The following USP34 variants were observed in gnomAD, a reference collection of about 807,000 sequenced individuals.
The protein encoded by USP34 is ubiquitin specific peptidase 34, also known as ubiquitin carboxyl-terminal hydrolase 34.
USP34 carries 70 observed loss-of-function variants against 460.3 expected under a neutral mutation model. The observed-to-expected ratio is 0.15, with a 90% CI of 0.13 to 0.19. USP34 has a LOEUF of 0.19. USP34 is among the 10% of genes least tolerant of loss of function. The pLI is 1.00. For missense variants in USP34, 3,985 were observed against 4,236.2 expected (o/e 0.94, Z 1.65); for synonymous variants, 1,647 against 1,405.3 (o/e 1.17, Z -3.85).
intron 14 of USP34, 107 bp from the exon 15 acceptor site, chr2:61,348,587 A>G: frequency 2.8e-6 from 4 of 1,449,672 alleles, no homozygotes; most frequent in Non-Finnish European, 3.7e-6. Flanking sequence ...GTCTTGTTAT[A>G]CTCCTTTGAA....
At chr2:61,371,444 TAAA>T (rs34779019) in intron 8 of USP34, among the ~76,000 whole-genome samples, 4 of 142,616 alleles carry the variant, frequency 2.8e-5, no homozygotes, top group African/African-American at 7.7e-5. Flanking sequence ...ATTAAAAAGT[TAAA>T]AAAAAAAAAA....
intron 29 of USP34, among the ~76,000 whole-genome samples, chr2:61,299,250 G>A (rs1186667352): frequency 2.6e-5 from 4 of 152,086 alleles, no homozygotes; most frequent in African/African-American, 9.7e-5. Context: ...TCTTGGGGAA[G>A]AAAGAAAAGC....
At chr2:61,232,747 C>T (rs1407125645) in intron 57 of USP34, among the ~76,000 whole-genome samples, 1 of 151,630 alleles carries the variant, frequency 6.6e-6, no homozygotes, top group Non-Finnish European at 1.5e-5. Context: ...CATTATAGTA[C>T]ACAATGTGCA....
At chr2:61,349,185 G>A (rs1691864254) in intron 13 of USP34, 65 bp downstream of exon 13, 1 of 1,524,776 alleles carries the variant, frequency 6.6e-7, no homozygotes, top group African/African-American at 1.4e-5. Flanking sequence ...TAAAATCAAT[G>A]AACTCTAGAA....
chr2:61,316,947 C>T (rs1690769641), intron 23 of USP34, among the ~76,000 whole-genome samples: 1 of 152,010 alleles, frequency 6.6e-6, no homozygotes, highest in Non-Finnish European at 1.5e-5. Context: ...AAAAATTTCC[C>T]CAAACTTGCT....
Position 61,260,627 on chromosome 2 carries a change from AT to A in USP34, c.5779-852del, listed in dbSNP as rs1236556304. On this transcript the variant is annotated intron_variant, in intron 43 of 79. Transcript: ENST00000398571. ...GAGATCTGTTCAGCATATAATTACTATAAAATTATATATTAAACTCAACAGG... is the reference window on the plus strand; with the variant it reads ...GAGATCTGTTCAGCATATAATTACTAAAAATTATATATTAAACTCAACAGG... Among the ~76,000 whole-genome samples, 4 of 152,220 alleles carry A rather than the reference AT, an allele frequency of 2.6e-5. No homozygotes were observed. In the East Asian group the frequency reaches 7.7e-4, roughly 29 times the overall value.
At chr2:61,339,735 T>A in intron 16 of USP34, 54 bp from the exon 17 acceptor site, 2 of 964,064 alleles carry the variant, frequency 2.1e-6, no homozygotes, top group Non-Finnish European at 2.9e-6. Flanking sequence ...GCTGACTGAT[T>A]ATAGCATTCA....
intron 41 of USP34, among the ~76,000 whole-genome samples, chr2:61,271,454 G>C (rs922324824): frequency 1.3e-5 from 2 of 152,132 alleles, no homozygotes; most frequent in African/African-American, 4.8e-5. Context: ...CAAATGTACT[G>C]TTTGACTGTC....
chr2:61,377,140 A>C (rs1029126360), intron 8 of USP34, among the ~76,000 whole-genome samples: 1 of 152,224 alleles, frequency 6.6e-6, no homozygotes, highest in South Asian at 2.1e-4. Flanking sequence ...CATACCACAT[A>C]AAGAACAACT....
chr2:61,377,539 G>T (rs753325993), intron 8 of USP34, among the ~76,000 whole-genome samples: 2 of 152,056 alleles, frequency 1.3e-5, no homozygotes, highest in Non-Finnish European at 2.9e-5. Flanking sequence ...TCATGAATGG[G>T]ATTAGTGGCC....
intron 3 of USP34, among the ~76,000 whole-genome samples, chr2:61,405,195 T>G (rs1362780451): frequency 3.3e-5 from 4 of 122,766 alleles, no homozygotes; most frequent in Non-Finnish European, 6.3e-5. Context: ...ATCACACCAC[T>G]GCATTCCAGC....
intron 67 of USP34, among the ~76,000 whole-genome samples, chr2:61,219,445 C>T (rs547855453): frequency 1.3e-5 from 2 of 152,018 alleles, no homozygotes; most frequent in Admixed American, 6.6e-5. Context: ...CAGAGGTGGG[C>T]GGATCACTTG....
chr2:61,387,783 TAC>T (rs1435531651), intron 5 of USP34, among the ~76,000 whole-genome samples: 1 of 148,630 alleles, frequency 6.7e-6, no homozygotes, highest in Admixed American at 6.7e-5. Flanking sequence ...TTTTTACGTA[TAC>T]ACACATGTAA....
chr2:61,309,826 C>G (rs564679627), intron 27 of USP34, among the ~76,000 whole-genome samples: 303 of 152,224 alleles, frequency 2.0e-3, no homozygotes, highest in Non-Finnish European at 3.5e-3. Context: ...GTCTTAACTG[C>G]GCTGATACAT....
rs189712150 is a variant in USP34, at chr2:61,382,943, T to C, written c.821+326A>G. Among the ~76,000 whole-genome samples, 52 of 152,326 alleles carry C rather than the reference T, an allele frequency of 3.4e-4. No homozygotes were observed. In the East Asian group the frequency reaches 9.8e-3, roughly 29 times the overall value. On this transcript the variant is annotated intron_variant, in intron 6 of 79. Coordinates refer to ENST00000398571, the MANE Select transcript of USP34 (RefSeq NM_014709.4). ...AAGAGCAGAGATTTTTGCAATTTGTTTTCTTCTCTGCTATATCCTCAGTGC... is the reference window on the plus strand; with the variant it reads ...AAGAGCAGAGATTTTTGCAATTTGTCTTCTTCTCTGCTATATCCTCAGTGC...
intron 10 of USP34, among the ~76,000 whole-genome samples, chr2:61,355,116 T>C (rs1337855831): frequency 6.6e-6 from 1 of 152,194 alleles, no homozygotes; most frequent in Non-Finnish European, 1.5e-5. Flanking sequence ...TATGCATTAG[T>C]AATTGTTGGA....
chr2:61,192,624 C>T (rs1686676346), intron 76 of USP34, among the ~76,000 whole-genome samples: 1 of 152,116 alleles, frequency 6.6e-6, no homozygotes. Flanking sequence ...GGATTTTCCC[C>T]ACAACTGTTG....
chr2:61,462,547 TC>T (rs1695634594), intron 1 of USP34, among the ~76,000 whole-genome samples: 1 of 120,644 alleles, frequency 8.3e-6, no homozygotes, highest in Admixed American at 8.7e-5. Flanking sequence ...AGACTCCGTC[TC>T]CAAAAAAAAA....
intron 69 of USP34, 43 bp downstream of exon 69, chr2:61,211,729 C>T: frequency 6.6e-7 from 1 of 1,511,892 alleles, no homozygotes; most frequent in Non-Finnish European, 8.8e-7. Flanking sequence ...TGGTCCTCAT[C>T]TCACTGGAAA....
Sources: gnomAD v4.1 joint callset for allele counts (sites outside exome capture counted in the v4.1 genomes callset) on GRCh38, gnomAD v4.1.1 for gene constraint, MANE v1.5 for transcripts, NCBI Gene and HGNC (gene_info 2026-07-23, HGNC 2026-07-21) for gene names.